ZNF615: variants seen among roughly 807,000 people sequenced by gnomAD.
ZNF615 encodes zinc finger protein 615.
Under a neutral mutation model 15.3 loss-of-function variants are expected in ZNF615, and 15 were observed. The ratio of observed to expected loss-of-function variants is 0.98; its 90% CI spans 0.66 to 1.51. The LOEUF is 1.51. Ranked by LOEUF, ZNF615 falls within the 40% of genes most tolerant of loss-of-function variation. The pLI, the probability that ZNF615 is intolerant of heterozygous loss-of-function variation, is 0.00. For missense variants in ZNF615, 848 were observed against 895.9 expected, an observed-to-expected ratio of 0.95 and a Z score of 0.68; for synonymous variants, 268 against 294.6, an observed-to-expected ratio of 0.91 and a Z score of 0.92.
At position 51,992,695 on chromosome 19, in the gene ZNF615, G is replaced by T; in HGVS notation, c.*185C>A. ...TGCCACATTCATAGGATTTTTCTCA[G>T]TATACAATTTTTAGACATAATGTCC... On this transcript the variant is annotated 3_prime_UTR_variant, in exon 7 of 7. Coordinates refer to ENST00000598071, the MANE Select transcript of ZNF615 (RefSeq NM_001199324.2). The T allele has an allele frequency of 1.4e-6, 1 of 729,058 alleles. No individual in the cohort carries two copies. 45.2% of individuals were successfully genotyped at this position (729,058 alleles called of 1,614,324 possible). A position where few individuals can be genotyped will look rare whatever the true frequency, so the allele number is the denominator to read the frequency against.
In ZNF615 at chr19:51,993,591, C is replaced by T. The variant is rs775344552; in HGVS notation, c.1518G>A (p.Val506=). The change falls in exon 7 of 7, where the codon GTG becomes GTA. Residue 506 remains valine (V), a synonymous_variant. Coordinates refer to ENST00000598071, the MANE Select transcript of ZNF615 (RefSeq NM_001199324.2). ...ICNDCGKGFT[V]KSRLIVHQRT... is the part of the protein sequence containing the mutation. ...GCTGATGCACAATAAGGCGGCTCTT[C>T]ACAGTGAAGCCTTTTCCACAATCAT... The T allele has an allele frequency of 6.2e-7, 1 of 1,614,002 alleles. No homozygotes were observed. Among genetic ancestry groups the T allele is most frequent in the African/African-American group, 1.3e-5 (1 of 74,912 alleles).
At chr19:52,005,467 C>T (rs150026229) in intron 2 of ZNF615, among the ~76,000 whole-genome samples, 17 of 152,192 alleles carry the variant, frequency 1.1e-4, no homozygotes, top group African/African-American at 3.6e-4. Context: ...CTATGGTTTC[C>T]GTGGCAGCTA....
chr19:51,998,054 C>T (rs1170823433), intron 6 of ZNF615, among the ~76,000 whole-genome samples: 1 of 152,126 alleles, frequency 6.6e-6, no homozygotes, highest in Non-Finnish European at 1.5e-5. Context: ...TCCCCATTAA[C>T]GTCTACCTTC....
intron 6 of ZNF615, among the ~76,000 whole-genome samples, chr19:51,996,407 A>AAAAAAAAAAAAAAAAAAAAC (rs755143397): frequency 4.3e-5 from 6 of 138,382 alleles, no homozygotes; most frequent in South Asian, 2.7e-4. Flanking sequence ...AAAAAAAAAA[A>AAAAAAAAAAAAAAAAAAAAC]ACGCAAAACT....
Position 51,993,388 on chromosome 19 carries a change from G to T in ZNF615, c.1721C>A (p.Thr574Lys). Residue 574 changes from threonine to lysine, a missense_variant, in exon 7 of 7, where the codon ACA becomes AAA. Transcript: ENST00000598071. ...SHLNVHRRTH[T>K]GEKPYVCSEC... is the part of the protein sequence containing the mutation. Reference sequence around the variant, plus strand: ...ACTGCATACATAGGGTTTCTCTCCTGTATGAGTGCGCCGATGTACATTGAG... The same window carrying T: ...ACTGCATACATAGGGTTTCTCTCCTTTATGAGTGCGCCGATGTACATTGAG... The T allele has an allele frequency of 6.2e-7, 1 of 1,614,086 alleles. No individual in the cohort carries two copies. The highest frequency in any genetic ancestry group is 1.1e-5 in the South Asian group (1 of 91,078).
chr19:51,996,241 T>C (rs1289186867), intron 6 of ZNF615, among the ~76,000 whole-genome samples: 1 of 151,688 alleles, frequency 6.6e-6, no homozygotes, highest in Non-Finnish European at 1.5e-5. Context: ...AATACAAAAA[T>C]TAGGCATGGT....
In ZNF615 at chr19:51,993,985, C is replaced by CACCA. The variant is rs769606582; in HGVS notation, c.1123_1124insTGGT (p.Arg375LeufsTer7). The CACCA allele has an allele frequency of 6.2e-7, 1 of 1,612,174 alleles. No individual in the cohort carries two copies. Among genetic ancestry groups the CACCA allele is most frequent in the South Asian group, 1.1e-5 (1 of 90,766 alleles). ...AAAGGGTTTCTCACCAGTATGAGTT[C>CACCA]GATGATGTGCAGTAAGACGCCTCTT... On this transcript the variant is annotated frameshift_variant, in exon 7 of 7. Transcript: ENST00000598071. LOFTEE classifies it low-confidence loss of function (END_TRUNC).
chr19:51,996,215 C>G (rs1215720796), intron 6 of ZNF615, among the ~76,000 whole-genome samples: 3 of 151,864 alleles, frequency 2.0e-5, no homozygotes, highest in African/African-American at 7.3e-5. Flanking sequence ...CATAGTGAAA[C>G]TGTGTCTCTA....
chr19:52,003,660 G>C (rs1432300159), intron 3 of ZNF615, 37 bp downstream of exon 3: 1 of 1,566,370 alleles, frequency 6.4e-7, no homozygotes, highest in East Asian at 2.2e-5. Flanking sequence ...AAATACATTG[G>C]AGAATAAAGG....
intron 5 of ZNF615, among the ~76,000 whole-genome samples, chr19:52,000,695 G>A (rs1241535599): frequency 6.6e-6 from 1 of 152,154 alleles, no homozygotes; most frequent in Non-Finnish European, 1.5e-5. Flanking sequence ...GGCTCACGCT[G>A]TAATCCCAGC....
At chr19:52,002,083 G>A (rs1297217965) in intron 4 of ZNF615, 72 bp downstream of exon 4, 9 of 1,613,962 alleles carry the variant, frequency 5.6e-6, no homozygotes, top group Admixed American at 3.3e-5. Context: ...TCAGAGTACT[G>A]CAGGTAAGCA....
rs1161062824 is a variant in ZNF615, at chr19:51,994,478, T to C, written c.631A>G (p.Ile211Val). 3 of 1,614,186 alleles carry C rather than the reference T, an allele frequency of 1.9e-6. No individual in the cohort carries two copies. The highest frequency in any genetic ancestry group is 2.5e-6 in the Non-Finnish European group (3 of 1,180,020). ...QFIKQQRTHN[I>V]ENAHVCSECG... ...TCACTGCATACATGGGCATTCTCTA[T>C]GTTGTGAGTTCTCTGTTGCTTAATG... Residue 211 changes from isoleucine to valine, a missense_variant, in exon 7 of 7, where the codon ATA becomes GTA. Physicochemically the swap from Ile to Val is conservative, Grantham distance 29 (BLOSUM62 3). Coordinates refer to ENST00000598071, the MANE Select transcript of ZNF615 (RefSeq NM_001199324.2).
chr19:52,001,543 G>T (rs746052594), intron 5 of ZNF615, among the ~76,000 whole-genome samples: 1 of 151,426 alleles, frequency 6.6e-6, no homozygotes. Context: ...CCTTGAACCC[G>T]GGAGGCGGAG....
chr19:52,002,736 T>C (rs1004857115), intron 3 of ZNF615, among the ~76,000 whole-genome samples: 1 of 152,200 alleles, frequency 6.6e-6, no homozygotes, highest in African/African-American at 2.4e-5. Context: ...AACCATATTA[T>C]TATTTTATTC....
intron 4 of ZNF615, 123 bp downstream of exon 4, chr19:52,002,032 C>G (rs576153336): frequency 6.2e-7 from 1 of 1,607,546 alleles, no homozygotes; most frequent in Non-Finnish European, 8.5e-7. Context: ...AGATTATACT[C>G]TCTTGTGTGG....
At chr19:52,007,668 C>T (rs1308152381) in intron 1 of ZNF615, among the ~76,000 whole-genome samples, 2 of 152,136 alleles carry the variant, frequency 1.3e-5, no homozygotes, top group African/African-American at 2.4e-5. Flanking sequence ...CCACCGCCAC[C>T]GGGATTAATT....
At position 52,003,729 on chromosome 19, in the gene ZNF615, A is replaced by G. The variant is rs1478550847; in HGVS notation, c.-18T>C. 6.2e-7 allele frequency: 1 copy of G among 1,612,366 alleles called. No individual in the cohort carries two copies. Among genetic ancestry groups the G allele is most frequent in the South Asian group, 1.1e-5 (1 of 90,644 alleles). On this transcript the variant is annotated 5_prime_UTR_variant, in exon 3 of 7. Coordinates refer to ENST00000598071, the MANE Select transcript of ZNF615 (RefSeq NM_001199324.2). ...TGCATCATTGTCTCCTAAATTTGGG[A>G]AATGACTGCTAACTTGGACGTTCTG...
chr19:51,995,813 T>A (rs1263467138), intron 6 of ZNF615, among the ~76,000 whole-genome samples: 1 of 151,812 alleles, frequency 6.6e-6, no homozygotes, highest in Non-Finnish European at 1.5e-5. Flanking sequence ...AAGATCCACC[T>A]CCCTCCGCCT....
intron 5 of ZNF615, 96 bp from the exon 6 acceptor site, chr19:52,000,474 T>C: frequency 2.0e-6 from 1 of 507,088 alleles, no homozygotes; most frequent in Non-Finnish European, 3.5e-6. Context: ...ATGATTCTTG[T>C]TCCTCATACA....
Sources: gnomAD v4.1 joint callset for allele counts (sites outside exome capture counted in the v4.1 genomes callset) on GRCh38, gnomAD v4.1.1 for gene constraint, MANE v1.5 for transcripts, NCBI Gene and HGNC (gene_info 2026-07-23, HGNC 2026-07-21) for gene names.